Variants in CNGB1 observed in about 807,000 individuals in gnomAD.
CNGB1 encodes the protein cyclic nucleotide-gated channel beta-1.
In CNGB1, 126 loss-of-function variants were observed where a neutral mutation model predicts 151.7. That is an observed-to-expected ratio of 0.83 (90% CI 0.72 to 0.96). The LOEUF (loss-of-function observed/expected upper bound fraction) is 0.96, where lower values mean the gene tolerates loss of function less well. Ranked by LOEUF, CNGB1 falls within the 40% of genes least tolerant of loss-of-function variation. The pLI, the probability that CNGB1 is intolerant of heterozygous loss-of-function variation, is 0.00. For missense variants in CNGB1, 1,698 were observed against 1,627.0 expected, an observed-to-expected ratio of 1.04 and a Z score of -0.75; for synonymous variants, 623 against 635.1, an observed-to-expected ratio of 0.98 and a Z score of 0.29.
chr16:57,897,972 GC>G, intron 29 of CNGB1, 58 bp from the exon 30 acceptor site: 1 of 1,571,262 alleles, frequency 6.4e-7, no homozygotes, highest in Non-Finnish European at 8.8e-7. Flanking sequence ...CAGAGAAGCA[GC>G]CAGGGCTGGA....
chr16:57,959,460 A>G (rs560818192), intron 10 of CNGB1, among the ~76,000 whole-genome samples: 6 of 152,264 alleles, frequency 3.9e-5, no homozygotes, highest in African/African-American at 1.4e-4. Flanking sequence ...CTAAAAATAC[A>G]AAAGTTAGCC....
At chr16:57,936,620 C>T (rs540930608) in intron 16 of CNGB1, among the ~76,000 whole-genome samples, 51 of 152,120 alleles carry the variant, frequency 3.4e-4, no homozygotes, top group Non-Finnish European at 4.6e-4. Context: ...TAGCAAAACC[C>T]CGTCTCTACT....
intron 31 of CNGB1, among the ~76,000 whole-genome samples, chr16:57,892,895 C>T (rs192330579): frequency 5.1e-4 from 78 of 152,298 alleles, no homozygotes; most frequent in Non-Finnish European, 9.6e-4. Flanking sequence ...GACAGCTCTC[C>T]GTCACTTCCC....
rs768365144 is a variant in CNGB1 at position 57,931,844 on chromosome 16, C to T, written c.1407G>A (p.Val469=). ...PATKQHPEVQ[V]EDTDADSCPL... is the part of the protein sequence containing the mutation. The stretch of plus-strand genomic sequence containing the variant: ...GGCAGCTATCAGCATCAGTATCTTC[C>T]ACCTGCACTTCTGGGTGCTGTTTCG... Residue 469 remains valine, a synonymous_variant, in exon 17 of 33, where the codon GTG becomes GTA. Coordinates refer to ENST00000251102, the MANE Select transcript of CNGB1 (RefSeq NM_001297.5). 2 of 1,614,132 alleles carry T rather than the reference C, an allele frequency of 1.2e-6. No homozygotes were observed. Among genetic ancestry groups the T allele is most frequent in the Admixed American group, 3.3e-5 (2 of 60,024 alleles).
chr16:57,908,305 G>A (rs1249770636), intron 25 of CNGB1, among the ~76,000 whole-genome samples: 1 of 152,234 alleles, frequency 6.6e-6, no homozygotes, highest in Non-Finnish European at 1.5e-5. Context: ...GGGACGTTCT[G>A]AACAATTAAC....
intron 31 of CNGB1, among the ~76,000 whole-genome samples, chr16:57,890,925 G>C (rs1161073256): frequency 1.3e-5 from 2 of 152,194 alleles, no homozygotes; most frequent in Non-Finnish European, 1.5e-5. Context: ...CCATGTTGCT[G>C]TGAGGCCTGT....
intron 9 of CNGB1, 103 bp from the exon 10 acceptor site, chr16:57,960,168 TG>T: frequency 6.6e-7 from 1 of 1,504,802 alleles, no homozygotes. Context: ...CAGGACTGAA[TG>T]GGGAGCCCTT....
intron 12 of CNGB1, among the ~76,000 whole-genome samples, chr16:57,951,980 G>T (rs1435950259): frequency 6.6e-6 from 1 of 152,252 alleles, no homozygotes; most frequent in Non-Finnish European, 1.5e-5. Flanking sequence ...CGCCCCTGGG[G>T]TTTGGCCAGG....
At chr16:57,911,442 C>A (rs1040657257) in intron 25 of CNGB1, among the ~76,000 whole-genome samples, 5 of 152,218 alleles carry the variant, frequency 3.3e-5, no homozygotes, top group Non-Finnish European at 7.3e-5. Flanking sequence ...GTGTGCATCA[C>A]CACGCCCAGC....
chr16:57,961,370 C>A (rs1336557553), intron 7 of CNGB1, among the ~76,000 whole-genome samples: 1 of 152,216 alleles, frequency 6.6e-6, no homozygotes, highest in Non-Finnish European at 1.5e-5. Flanking sequence ...TTGCATTTTG[C>A]CCTGGGCCCC....
chr16:57,912,714 CGTAT>C (rs1241767643), intron 24 of CNGB1, among the ~76,000 whole-genome samples: 2 of 145,966 alleles, frequency 1.4e-5, no homozygotes, highest in African/African-American at 2.6e-5. Flanking sequence ...GTGTTGTGCA[CGTAT>C]GTATGTGTTG....
At chr16:57,931,583 G>T in intron 17 of CNGB1, 133 bp downstream of exon 17, 4 of 1,029,578 alleles carry the variant, frequency 3.9e-6, no homozygotes, top group Non-Finnish European at 5.9e-6. Flanking sequence ...GGGCATCATA[G>T]TCCCACTTCT....
rs755378194 is a variant in CNGB1 at position 57,901,335 on chromosome 16, C to T, written c.2976+17G>A. On this transcript the variant is annotated intron_variant, in intron 29 of 32. Transcript: ENST00000251102. ...TGGTGAACCCCAGATCCCGTGGTGGCTGCCAGGCCAGCTCACCTTCTTGCA... is the reference window on the plus strand; with the variant it reads ...TGGTGAACCCCAGATCCCGTGGTGGTTGCCAGGCCAGCTCACCTTCTTGCA... 9.3e-6 allele frequency: 15 copies of T among 1,613,130 alleles called. No individual in the cohort carries two copies. The highest frequency in any genetic ancestry group is 9.3e-6 in the Non-Finnish European group (11 of 1,179,522).
At chr16:57,926,812 TCTACTAAAA>T in intron 17 of CNGB1, among the ~76,000 whole-genome samples, 1 of 152,122 alleles carries the variant, frequency 6.6e-6, no homozygotes, top group Admixed American at 6.5e-5. Context: ...AAACCTCGTC[TCTACTAAAA>T]ATACAAAAAT....
At chr16:57,930,424 G>A (rs1304870251) in intron 17 of CNGB1, among the ~76,000 whole-genome samples, 1 of 151,654 alleles carries the variant, frequency 6.6e-6, no homozygotes, top group Non-Finnish European at 1.5e-5. Flanking sequence ...AGCCTAGGAG[G>A]TTGAGGCTGC....
chr16:57,960,392 C>T, intron 9 of CNGB1, 90 bp downstream of exon 9: 2 of 1,501,618 alleles, frequency 1.3e-6, no homozygotes, highest in South Asian at 1.2e-5. Flanking sequence ...GGGCTAAGGG[C>T]CTCTGGGGGA....
At chr16:57,912,342 A>G (rs1202930087) in intron 24 of CNGB1, among the ~76,000 whole-genome samples, 1 of 152,216 alleles carries the variant, frequency 6.6e-6, no homozygotes, top group Non-Finnish European at 1.5e-5. Flanking sequence ...AGCTGAGGCC[A>G]AAATGAGGCC....
intron 26 of CNGB1, among the ~76,000 whole-genome samples, chr16:57,904,344 G>C (rs1960479629): frequency 6.6e-6 from 1 of 152,164 alleles, no homozygotes; most frequent in Admixed American, 6.5e-5. Flanking sequence ...GGAAGCCAGT[G>C]TGCTGTTCCT....
chr16:57,960,403 T>C, intron 9 of CNGB1, 79 bp downstream of exon 9: 1 of 1,539,218 alleles, frequency 6.5e-7, no homozygotes, highest in Non-Finnish European at 8.9e-7. Flanking sequence ...CTCTGGGGGA[T>C]CCTCCAGGGC....
Sources: allele counts gnomAD v4.1 joint callset (sites outside exome capture counted in the v4.1 genomes callset), GRCh38; gene constraint gnomAD v4.1.1; transcripts MANE v1.5; gene names NCBI Gene and HGNC (gene_info 2026-07-23, HGNC 2026-07-21).